Variants in RNPS1 observed in about 807,000 individuals in gnomAD.
RNPS1 encodes the protein RNA-binding protein with serine-rich domain 1.
For missense variants in RNPS1, 300 were observed against 427.6 expected, an observed-to-expected ratio of 0.70 and a Z score of 2.63; for synonymous variants, 147 against 150.0, an observed-to-expected ratio of 0.98 and a Z score of 0.15.
rs756757628 is a variant in RNPS1 at position 2,264,366 on chromosome 16, C to T, written c.72-35G>A. The T allele has an allele frequency of 3.7e-6, 6 of 1,613,478 alleles. No individual in the cohort carries two copies. In the Admixed American group the frequency reaches 1.0e-4, roughly 27 times the overall value. ...GAGGAAGAGTGTGAGATTGCGTGCT[C>T]CTCTGACCAAACCCAAACAGCACAA... On this transcript the variant is annotated intron_variant, in intron 2 of 7. Transcript: ENST00000320225.
At chr16:2,254,487 C>T (rs529581980) in intron 7 of RNPS1, among the ~76,000 whole-genome samples, 31 of 151,914 alleles carry the variant, frequency 2.0e-4, no homozygotes, top group African/African-American at 7.0e-4. Context: ...TTAGTAGTGA[C>T]GGGGTTTCAC....
rs155248 is a variant in RNPS1 at position 2,262,452 on chromosome 16, C to T, written c.523-21G>A. ...TGATCCTAGAGGGAAAGAAGGGTCA[C>T]GCCAACGCCCAGCTACCAGTCAGTC... On this transcript the variant is annotated intron_variant, in intron 5 of 7. Coordinates refer to ENST00000320225, the MANE Select transcript of RNPS1 (RefSeq NM_080594.4). 18,644 of 1,613,386 alleles carry T rather than the reference C, an allele frequency of 0.012. 1,787 individuals are homozygous for T. In the African/African-American group the frequency reaches 0.21, roughly 19 times the overall value.
At chr16:2,259,991 TTAAAATATTCCTAA>T (rs2093595852) in intron 6 of RNPS1, among the ~76,000 whole-genome samples, 2 of 152,342 alleles carry the variant, frequency 1.3e-5, no homozygotes, top group African/African-American at 4.8e-5. Context: ...AACTTTTTGC[TTAAAATATTCCTAA>T]TCCTTTTATT....
At chr16:2,267,603 G>C in intron 1 of RNPS1, 1 of 1,070,310 alleles carries the variant, frequency 9.3e-7, no homozygotes, top group Non-Finnish European at 1.1e-6. Flanking sequence ...AAGAAACTCC[G>C]CGCCCGCCGA....
intron 2 of RNPS1, 46 bp downstream of exon 2, chr16:2,264,527 G>C (rs1316795526): frequency 1.5e-5 from 24 of 1,587,504 alleles, no homozygotes; most frequent in Non-Finnish European, 2.1e-5. Context: ...GTCCCTAGCA[G>C]TAAGCACCCC....
Position 2,263,267 on chromosome 16 carries a change from G to C in RNPS1, c.248C>G (p.Ser83Cys), listed in dbSNP as rs748828103. 1.2e-6 allele frequency: 2 copies of C among 1,613,784 alleles called. No individual in the cohort carries two copies. The highest frequency in any genetic ancestry group is 1.7e-6 in the Non-Finnish European group (2 of 1,179,918). The change falls in exon 4 of 8, where the codon TCC (serine) becomes TGC (cysteine). Residue 83 changes from serine (S) to cysteine (C), a missense_variant. By Grantham distance (112) the Ser-to-Cys change is moderately radical. Transcript: ENST00000320225. Reference sequence around the variant, plus strand: ...AGTGCTGGTGCTGGAGCCTGAGCTGGAAGTCGAGCTGGACCGAGACCTGAG... The same window carrying C: ...AGTGCTGGTGCTGGAGCCTGAGCTGCAAGTCGAGCTGGACCGAGACCTGAG... ...SSTRSRSSST[S>C]SSGSSTSTGS...
chr16:2,266,393 G>A (rs1445795386), intron 1 of RNPS1: 1 of 985,354 alleles, frequency 1.0e-6, no homozygotes, highest in Non-Finnish European at 1.2e-6. Context: ...GACAATCAGT[G>A]AGTATCATTC....
intron 6 of RNPS1, among the ~76,000 whole-genome samples, chr16:2,261,166 A>C (rs1271800083): frequency 6.6e-6 from 1 of 151,986 alleles, no homozygotes; most frequent in Non-Finnish European, 1.5e-5. Context: ...ACTATAGTAC[A>C]CCCAAATACT....
At chr16:2,255,218 G>C (rs1305272216) in intron 7 of RNPS1, among the ~76,000 whole-genome samples, 2 of 152,168 alleles carry the variant, frequency 1.3e-5, no homozygotes, top group Non-Finnish European at 2.9e-5. Flanking sequence ...CCTCTGCCGA[G>C]GGATTACCAC....
At chr16:2,258,349 C>T (rs1301501529) in intron 6 of RNPS1, 3 of 152,180 alleles carry the variant, frequency 2.0e-5, no homozygotes, top group African/African-American at 7.2e-5. Context: ...TTTTTTCCCC[C>T]AAGAATAGTG....
At chr16:2,265,460 CG>C (rs1209611934) in intron 1 of RNPS1, 1 of 151,120 alleles carries the variant, frequency 6.6e-6, no homozygotes, top group African/African-American at 2.4e-5. Flanking sequence ...ATAGCAGAAA[CG>C]TAACTTATAG....
chr16:2,266,680 A>AC (rs765309656), intron 1 of RNPS1: 48 of 985,240 alleles, frequency 4.9e-5, no homozygotes, highest in Middle Eastern at 5.2e-4. Context: ...TCCTGCACCC[A>AC]CCCGCCTTCG....
intron 1 of RNPS1, chr16:2,267,647 G>A (rs2093630415): frequency 3.6e-6 from 4 of 1,097,854 alleles, no homozygotes; most frequent in Non-Finnish European, 4.4e-6. Context: ...GCCGCTACCC[G>A]TCCGCGTTCA....
At chr16:2,256,459 G>A (rs1428732458) in intron 6 of RNPS1, 12 of 152,632 alleles carry the variant, frequency 7.9e-5, no homozygotes, top group African/African-American at 2.9e-4. Context: ...TCGGGAGGCT[G>A]AGGCAAAACA....
Position 2,264,005 on chromosome 16 carries a change from T to C in RNPS1, c.227+171A>G, listed in dbSNP as rs1596813000. 6.6e-6 allele frequency: 5 copies of C among 758,668 alleles called. No individual in the cohort carries two copies. In the South Asian group the frequency reaches 7.4e-5, roughly 11 times the overall value. The allele number at this position is 758,668 out of a possible 1,614,324, so 47.0% of individuals were successfully genotyped here. ...TCGGCCTCCCAAAGTGCTGGGATTA[T>C]AGGCATGAGCCACCACTGCACCTAG... On this transcript the variant is annotated intron_variant, in intron 3 of 7. Transcript: ENST00000320225.
chr16:2,255,733 A>T lies in RNPS1; in HGVS notation c.677-7T>A. On this transcript the variant is annotated splice_polypyrimidine_tract_variant and splice_region_variant and intron_variant, in intron 6 of 7. Coordinates refer to ENST00000320225, the MANE Select transcript of RNPS1 (RefSeq NM_080594.4). ...TCCTGGCCATCAATTTGTCCTGTTG[A>T]AAAAGACAGCAAGTCATAAAATATC... is the stretch of plus-strand genomic sequence containing the variant. 6.2e-7 allele frequency: 1 copy of T among 1,613,446 alleles called. No homozygotes were observed. The highest frequency in any genetic ancestry group is 8.5e-7 in the Non-Finnish European group (1 of 1,179,784).
At chr16:2,259,262 A>G (rs946709758) in intron 6 of RNPS1, among the ~76,000 whole-genome samples, 1 of 152,142 alleles carries the variant, frequency 6.6e-6, no homozygotes, top group African/African-American at 2.4e-5. Flanking sequence ...TTTGGGCTGT[A>G]TTTGTATAAA....
At chr16:2,267,981 T>C (rs567887713) in intron 1 of RNPS1, 74 bp downstream of exon 1, 17 of 1,533,258 alleles carry the variant, frequency 1.1e-5, no homozygotes, top group Middle Eastern at 2.3e-4. Flanking sequence ...GTGGACCGGC[T>C]TCACGAGGCG....
chr16:2,266,376 G>A (rs544144909), intron 1 of RNPS1: 746 of 985,358 alleles, frequency 7.6e-4, no homozygotes, highest in Non-Finnish European at 8.6e-4. Context: ...CACTCTTTGT[G>A]TCCTCGGACA....
Sources: gnomAD v4.1 joint callset for allele counts (sites outside exome capture counted in the v4.1 genomes callset) on GRCh38, gnomAD v4.1.1 for gene constraint, MANE v1.5 for transcripts, NCBI Gene and HGNC (gene_info 2026-07-23, HGNC 2026-07-21) for gene names.